Variants in IL6ST observed in about 807,000 individuals in gnomAD.
IL6ST encodes the protein interleukin-6 receptor subunit beta.
IL6ST carries 24 observed loss-of-function variants against 91.3 expected under a neutral mutation model. That is an observed-to-expected ratio of 0.26 (90% CI 0.19 to 0.37). The LOEUF is 0.37. Ranked by LOEUF, IL6ST falls within the 10% of genes least tolerant of loss-of-function variation. The pLI, the probability that IL6ST is intolerant of heterozygous loss-of-function variation, is 1.00. For synonymous variants in IL6ST, 351 were observed against 373.6 expected, an observed-to-expected ratio of 0.94 and a Z score of 0.70; for missense variants, 914 against 1,078.5, an observed-to-expected ratio of 0.85 and a Z score of 2.14.
rs752463414 is a variant in IL6ST at position 55,956,261 on chromosome 5, AAAT to A, written c.1057-29_1057-27del. ...CTGTAATAAAATAGTTTATTTTTAA[AAAT>A]AATCTCATAAATCTTGAATAAAAAA... On this transcript the variant is annotated intron_variant, in intron 9 of 16. Coordinates refer to ENST00000381298, the MANE Select transcript of IL6ST (RefSeq NM_002184.4). The A allele has an allele frequency of 9.3e-6, 12 of 1,286,628 alleles. No homozygotes were observed. The Admixed American group carries it at 1.6e-4, about 18-fold the overall frequency. 79.7% of individuals were successfully genotyped at this position (1,286,628 alleles called of 1,614,324 possible). A position where few individuals can be genotyped will look rare whatever the true frequency, so the allele number is the denominator to read the frequency against.
chr5:55,955,965 G>A (rs1751932117), intron 10 of IL6ST, 60 bp downstream of exon 10: 1 of 1,099,736 alleles, frequency 9.1e-7, no homozygotes, highest in Non-Finnish European at 1.4e-6. Context: ...TGGGAGCCCT[G>A]TCCATACCTA....
intron 11 of IL6ST, 122 bp from the exon 12 acceptor site, chr5:55,952,473 C>T (rs1486071650): frequency 2.3e-5 from 13 of 560,012 alleles, no homozygotes; most frequent in Non-Finnish European, 4.1e-5. Flanking sequence ...CTGCAGTTTT[C>T]TAAGTAAGCA....
chr5:55,946,873 T>C (rs1426805996), intron 15 of IL6ST, among the ~76,000 whole-genome samples: 2 of 151,802 alleles, frequency 1.3e-5, no homozygotes, highest in Non-Finnish European at 2.9e-5. Context: ...AAAAATATTA[T>C]GTAAAAGACA....
chr5:55,978,513 G>C (rs1283738864), intron 2 of IL6ST: 1 of 152,214 alleles, frequency 6.6e-6, no homozygotes, highest in Non-Finnish European at 1.5e-5. Flanking sequence ...GAATCATGAG[G>C]TCAGGAGTTC....
Position 55,975,893 on chromosome 5 carries a change from A to G in IL6ST, c.64+322T>C, listed in dbSNP as rs1175183884. Reference sequence around the variant, plus strand: ...AGATTTAACAAATTTTCTCCTATTCATTTACTGAAGAAAAAAAAAAAAACC... The same window carrying G: ...AGATTTAACAAATTTTCTCCTATTCGTTTACTGAAGAAAAAAAAAAAAACC... On this transcript the variant is annotated intron_variant, in intron 3 of 16. Coordinates refer to ENST00000381298, the MANE Select transcript of IL6ST (RefSeq NM_002184.4). Among the ~76,000 whole-genome samples the G allele has an allele frequency of 2.3e-4, 34 of 150,192 alleles. No homozygotes were observed. In the South Asian group the frequency reaches 3.1e-3, roughly 14 times the overall value.
intron 2 of IL6ST, among the ~76,000 whole-genome samples, chr5:55,980,367 T>G (rs1037602924): frequency 1.3e-5 from 2 of 152,142 alleles, no homozygotes; most frequent in Non-Finnish European, 2.9e-5. Context: ...CTGGCCTACA[T>G]GGTGAAACCC....
intron 3 of IL6ST, among the ~76,000 whole-genome samples, chr5:55,972,535 G>A (rs748394267): frequency 1.8e-4 from 28 of 152,082 alleles, no homozygotes; most frequent in African/African-American, 2.4e-4. Context: ...CAAATGTTCC[G>A]TTTTTCAAAG....
Position 55,951,973 on chromosome 5 carries a change from C to G in IL6ST, c.1655G>C (p.Arg552Thr). Residue 552 changes from arginine to threonine, a missense_variant, in exon 13 of 17, where the codon AGA becomes ACA. Transcript: ENST00000381298. ...GGTTCTATAAAATATAGTATAATTT[C>G]TGATAAATCCATTCTGAACATCAAC... ...LPVDVQNGFI[R>T]NYTIFYRTII... The G allele has an allele frequency of 6.5e-7, 1 of 1,526,792 alleles. No individual in the cohort carries two copies. Among genetic ancestry groups the G allele is most frequent in the Non-Finnish European group, 9.1e-7 (1 of 1,101,786 alleles). The allele number at this position is 1,526,792 out of a possible 1,614,324, so 94.6% of individuals were successfully genotyped here. A position where few individuals can be genotyped will look rare whatever the true frequency, so the allele number is the denominator to read the frequency against.
chr5:55,941,847 C>A, intron 16 of IL6ST, 28 bp from the exon 17 acceptor site: 1 of 1,576,080 alleles, frequency 6.3e-7, no homozygotes, highest in Middle Eastern at 1.7e-4. Context: ...TTGTATATGG[C>A]AAGTATTAGT....
At chr5:55,965,203 TC>T (rs1580826972) in intron 5 of IL6ST, among the ~76,000 whole-genome samples, 1 of 152,120 alleles carries the variant, frequency 6.6e-6, no homozygotes, top group East Asian at 1.9e-4. Context: ...AGAAAAACAA[TC>T]TTAAAATCAT....
chr5:55,945,840 T>C (rs1007524374), intron 15 of IL6ST, among the ~76,000 whole-genome samples: 5 of 151,656 alleles, frequency 3.3e-5, no homozygotes, highest in African/African-American at 1.2e-4. Context: ...TTAGTAGAGA[T>C]GTTAGCCACT....
intron 1 of IL6ST, among the ~76,000 whole-genome samples, chr5:55,993,925 C>G (rs918050526): frequency 4.6e-5 from 7 of 151,548 alleles, no homozygotes; most frequent in African/African-American, 1.7e-4. Context: ...ACAGCACTGT[C>G]AAAAGCAAAT....
In IL6ST at chr5:55,944,670, G is replaced by A. The variant is rs1238705902; in HGVS notation, c.1938-1919C>T. ...ACCTCGGCGCCATGAGAGCCAAGTG[G>A]AGGAAGAAGCGAATGCGCAGGCTGA... On this transcript the variant is annotated intron_variant, in intron 15 of 16. Coordinates refer to ENST00000381298, the MANE Select transcript of IL6ST (RefSeq NM_002184.4). 2.6e-5 allele frequency: 26 copies of A among 1,008,790 alleles called. No individual in the cohort carries two copies. In the East Asian group the frequency reaches 6.2e-4, roughly 24 times the overall value. 62.5% of individuals were successfully genotyped at this position (1,008,790 alleles called of 1,614,324 possible).
Position 55,964,281 on chromosome 5 carries a change from T to G in IL6ST, c.523A>C (p.Lys175Gln), listed in dbSNP as rs1183966148. The G allele has an allele frequency of 6.2e-7, 1 of 1,612,218 alleles. No homozygotes were observed. The highest frequency in any genetic ancestry group is 8.5e-7 in the Non-Finnish European group (1 of 1,179,138). ...ATHKFADCKA[K>Q]RDTPTSCTVD... Reference sequence around the variant, plus strand: ...GTGCATGAGGTGGGGGTGTCACGTTTTGCTTTGCAATCAGCAAACTTGTGT... The same window carrying G: ...GTGCATGAGGTGGGGGTGTCACGTTGTGCTTTGCAATCAGCAAACTTGTGT... The change falls in exon 6 of 17, where the codon AAA becomes CAA. Residue 175 changes from lysine (K) to glutamine (Q), a missense_variant. Transcript: ENST00000381298.
chr5:55,950,440 G>T (rs528153056), intron 14 of IL6ST, among the ~76,000 whole-genome samples: 6 of 149,084 alleles, frequency 4.0e-5, no homozygotes, highest in Admixed American at 3.4e-4. Flanking sequence ...GGAGGCTGAG[G>T]TAGGAGAATC....
chr5:55,971,563 C>T (rs1259307859), intron 3 of IL6ST, among the ~76,000 whole-genome samples: 2 of 152,138 alleles, frequency 1.3e-5, no homozygotes, highest in Non-Finnish European at 2.9e-5. Flanking sequence ...TCAATGAATC[C>T]TATTTGCTGT....
At chr5:55,983,075 C>A (rs1215712016) in intron 1 of IL6ST, among the ~76,000 whole-genome samples, 5 of 151,356 alleles carry the variant, frequency 3.3e-5, no homozygotes, top group Admixed American at 6.6e-5. Context: ...TTACAGCTCA[C>A]TGCAGCTTGA....
At position 55,968,267 on chromosome 5, in the gene IL6ST, A is replaced by G. The variant is rs1445335096; in HGVS notation, c.491+9T>C. 1.1e-5 allele frequency: 17 copies of G among 1,576,978 alleles called. No homozygotes were observed. The highest frequency in any genetic ancestry group is 1.3e-5 in the Non-Finnish European group (15 of 1,166,918). Reference sequence around the variant, plus strand: ...AAATCTAACATGAAACAAATTTAAAATAACGTACCATTCAGATTTTAAAGT... The same window carrying G: ...AAATCTAACATGAAACAAATTTAAAGTAACGTACCATTCAGATTTTAAAGT... On this transcript the variant is annotated intron_variant, in intron 5 of 16. Coordinates refer to ENST00000381298, the MANE Select transcript of IL6ST (RefSeq NM_002184.4).
intron 1 of IL6ST, among the ~76,000 whole-genome samples, chr5:55,985,377 TGTG>T (rs1178435656): frequency 6.6e-6 from 1 of 151,708 alleles, no homozygotes; most frequent in Non-Finnish European, 1.5e-5. Context: ...ATTAGCCGGG[TGTG>T]GTGGTGCACA....
Sources: gnomAD v4.1 joint callset for allele counts (sites outside exome capture counted in the v4.1 genomes callset) on GRCh38, gnomAD v4.1.1 for gene constraint, MANE v1.5 for transcripts, NCBI Gene and HGNC (gene_info 2026-07-23, HGNC 2026-07-21) for gene names.